The following SPINK5 variants were observed in gnomAD, a reference collection of about 807,000 sequenced individuals.
SPINK5 encodes serine protease inhibitor Kazal-type 5.
A neutral mutation model predicts 151.8 loss-of-function variants in SPINK5; 125 were observed. The observed-to-expected ratio is 0.82, with a 90% CI of 0.71 to 0.96. The LOEUF (loss-of-function observed/expected upper bound fraction) is 0.96. SPINK5 is among the 40% of genes least tolerant of loss of function. The pLI is 0.00. For missense variants in SPINK5, 1,194 were observed against 1,291.9 expected (o/e 0.92, Z 1.16); for synonymous variants, 374 against 395.3 (o/e 0.95, Z 0.64).
At position 148,125,953 on chromosome 5, in the gene SPINK5, T is replaced by TA. The variant is rs1427662614; in HGVS notation, c.2867+108dup. 20 of 1,540,080 alleles carry TA rather than the reference T, an allele frequency of 1.3e-5. No homozygotes were observed. The East Asian group carries it at 3.8e-4, about 29-fold the overall frequency. ...TATATTTATGAACCCCATGGGATTT[T>TA]AAAAATAAGTCTTTAGAATTAAAGC... On this transcript the variant is annotated intron_variant, in intron 29 of 32. Coordinates refer to ENST00000256084, the MANE Select transcript of SPINK5 (RefSeq NM_006846.4).
rs768514228 is a variant in SPINK5 at position 148,119,997 on chromosome 5, C to T, written c.2314-12C>T. On this transcript the variant is annotated splice_polypyrimidine_tract_variant and intron_variant, in intron 24 of 32. Transcript: ENST00000256084. ...AAACAGCACTTCCAATATAATCTTC[C>T]CATCTTTTCAGGATACATGTGATGA... 6.2e-7 allele frequency: 1 copy of T among 1,613,330 alleles called. No individual in the cohort carries two copies. The highest frequency in any genetic ancestry group is 2.2e-5 in the East Asian group (1 of 44,884).
intron 15 of SPINK5, 152 bp from the exon 16 acceptor site, chr5:148,104,800 G>A (rs1292821695): frequency 6.7e-6 from 4 of 596,940 alleles, no homozygotes; most frequent in African/African-American, 5.7e-5. Context: ...GGAGGCTGAG[G>A]CAGGAGAATT....
In SPINK5 at chr5:148,126,988, C is replaced by T; in HGVS notation, c.2873C>T (p.Thr958Ile). The T allele has an allele frequency of 1.2e-6, 2 of 1,611,042 alleles. No homozygotes were observed. Among genetic ancestry groups the T allele is most frequent in the Non-Finnish European group, 1.7e-6 (2 of 1,178,236 alleles). Residue 958 changes from threonine to isoleucine, a missense_variant, in exon 30 of 33, where the codon ACA (threonine) becomes ATA (isoleucine). By Grantham distance (89) the Thr-to-Ile change is moderately conservative (BLOSUM62 -1). Coordinates refer to ENST00000256084, the MANE Select transcript of SPINK5 (RefSeq NM_006846.4). ...KCYMCRAVFL[T>I]EALERAKLQE... Reference sequence around the variant, plus strand: ...TTTTTTATTTTCTTCTCTAGTCTAACAGAAGCTTTGGAAAGGGCAAAGCTT... The same window carrying T: ...TTTTTTATTTTCTTCTCTAGTCTAATAGAAGCTTTGGAAAGGGCAAAGCTT...
chr5:148,078,883 C>G lies in SPINK5; in HGVS notation c.282+6663C>G, dbSNP rs190394796. On this transcript the variant is annotated intron_variant, in intron 4 of 32. Transcript: ENST00000256084. ...ATATTAGAAAACAAAGTTTAGCAAA[C>G]TAAACCCAAAGCAAGCAGAAGAAGA... Among the ~76,000 whole-genome samples the G allele has an allele frequency of 1.3e-3, 189 of 150,272 alleles. 3 individuals carry two copies. The highest frequency in any genetic ancestry group is 3.1e-3 in the Admixed American group (47 of 15,040).
chr5:148,117,560 T>C (rs996155046), intron 22 of SPINK5, among the ~76,000 whole-genome samples: 13 of 152,342 alleles, frequency 8.5e-5, no homozygotes, highest in African/African-American at 3.1e-4. Context: ...AGGATGTGTT[T>C]CAGTAAAACT....
At chr5:148,125,435 G>A in intron 28 of SPINK5, 1 of 1,214,162 alleles carries the variant, frequency 8.2e-7, no homozygotes, top group Admixed American at 2.0e-5. Context: ...TGCTTCATGG[G>A]GAAAATGGGG....
intron 3 of SPINK5, among the ~76,000 whole-genome samples, chr5:148,070,946 T>C (rs138285203): frequency 6.6e-6 from 1 of 152,136 alleles, no homozygotes; most frequent in Non-Finnish European, 1.5e-5. Flanking sequence ...ACACCTAGCA[T>C]TATTCTAGGA....
chr5:148,114,803 C>T (rs1486193967), intron 21 of SPINK5, among the ~76,000 whole-genome samples: 1 of 152,126 alleles, frequency 6.6e-6, no homozygotes, highest in Admixed American at 6.6e-5. Flanking sequence ...TCTCGCAACT[C>T]ATGTTGGAAA....
At chr5:148,118,011 G>T (rs1386778296) in intron 22 of SPINK5, among the ~76,000 whole-genome samples, 1 of 151,790 alleles carries the variant, frequency 6.6e-6, no homozygotes, top group Non-Finnish European at 1.5e-5. Context: ...TAGATGTTAG[G>T]GGTTTTTTTG....
At chr5:148,069,481 AAGAG>A (rs1453540726) in intron 2 of SPINK5, among the ~76,000 whole-genome samples, 1 of 149,588 alleles carries the variant, frequency 6.7e-6, no homozygotes, top group Non-Finnish European at 1.5e-5. Context: ...GAGAGAGAGA[AAGAG>A]AGAGAAAGAG....
At chr5:148,119,927 G>T in intron 24 of SPINK5, 82 bp from the exon 25 acceptor site, 2 of 1,535,656 alleles carry the variant, frequency 1.3e-6, no homozygotes, top group East Asian at 2.3e-5. Flanking sequence ...CCTGACTCTT[G>T]GAAAGAAATC....
At chr5:148,101,687 C>A in intron 14 of SPINK5, 94 bp from the exon 15 acceptor site, 1 of 1,579,042 alleles carries the variant, frequency 6.3e-7, no homozygotes, top group South Asian at 1.1e-5. Flanking sequence ...AATTGCTAAT[C>A]CTCGTTTAAG....
At chr5:148,129,078 A>T (rs1032593634) in intron 30 of SPINK5, among the ~76,000 whole-genome samples, 2 of 152,170 alleles carry the variant, frequency 1.3e-5, no homozygotes, top group Non-Finnish European at 2.9e-5. Flanking sequence ...TCAAGACCTA[A>T]GGGTATTGAT....
intron 32 of SPINK5, among the ~76,000 whole-genome samples, chr5:148,136,541 C>A (rs1754698895): frequency 6.6e-6 from 1 of 152,066 alleles, no homozygotes; most frequent in South Asian, 2.1e-4. Context: ...ATGAGTCAGG[C>A]AAAGGAAGAC....
At chr5:148,085,159 A>G (rs1482207402) in intron 4 of SPINK5, among the ~76,000 whole-genome samples, 1 of 151,836 alleles carries the variant, frequency 6.6e-6, no homozygotes, top group Non-Finnish European at 1.5e-5. Context: ...AAACATATGA[A>G]TAGTGGAGTA....
rs746775490 is a variant in SPINK5 at position 148,119,990 on chromosome 5, A to C, written c.2314-19A>C. 1 of 1,613,364 alleles carries C rather than the reference A, an allele frequency of 6.2e-7. No homozygotes were observed. The highest frequency in any genetic ancestry group is 8.5e-7 in the Non-Finnish European group (1 of 1,179,452). ...TATGTAAAAACAGCACTTCCAATAT[A>C]ATCTTCCCATCTTTTCAGGATACAT... On this transcript the variant is annotated intron_variant, in intron 24 of 32. Transcript: ENST00000256084.
At chr5:148,104,880 A>G in intron 15 of SPINK5, 72 bp from the exon 16 acceptor site, 2 of 1,433,344 alleles carry the variant, frequency 1.4e-6, no homozygotes, top group East Asian at 5.0e-5. Context: ...TGGGTGACAG[A>G]GAGAGACTCC....
intron 4 of SPINK5, among the ~76,000 whole-genome samples, chr5:148,079,927 A>T (rs573152888): frequency 1.3e-5 from 2 of 151,226 alleles, no homozygotes; most frequent in African/African-American, 4.8e-5. Flanking sequence ...AAATTAATTA[A>T]TTAATTAATT....
chr5:148,064,157 G>A, intron 1 of SPINK5, 58 bp downstream of exon 1: 5 of 1,601,740 alleles, frequency 3.1e-6, no homozygotes, highest in African/African-American at 1.3e-5. Flanking sequence ...CCCTGGGGAA[G>A]GGACTTTTCT....
Sources: gnomAD v4.1 joint callset for allele counts (sites outside exome capture counted in the v4.1 genomes callset) on GRCh38, gnomAD v4.1.1 for gene constraint, MANE v1.5 for transcripts, NCBI Gene and HGNC (gene_info 2026-07-23, HGNC 2026-07-21) for gene names.